RBL2: variants seen among roughly 807,000 people sequenced by gnomAD.
RBL2 encodes the protein retinoblastoma-like protein 2.
RBL2 carries 56 observed loss-of-function variants against 126.0 expected under a neutral mutation model. That is an observed-to-expected ratio of 0.44 (90% CI 0.36 to 0.56). The LOEUF (loss-of-function observed/expected upper bound fraction) is 0.56. Among genes scored for constraint, RBL2 ranks in the 20% least tolerant of loss-of-function variants. The pLI, the probability that RBL2 is intolerant of heterozygous loss-of-function variation, is 0.00. For missense variants in RBL2, 1,229 were observed against 1,398.2 expected, an observed-to-expected ratio of 0.88 and a Z score of 1.93; for synonymous variants, 454 against 478.5, an observed-to-expected ratio of 0.95 and a Z score of 0.67.
intron 5 of RBL2, 77 bp from the exon 6 acceptor site, chr16:53,453,375 A>G (rs1431249011): frequency 2.3e-6 from 3 of 1,330,298 alleles, no homozygotes; most frequent in Non-Finnish European, 2.1e-6. Context: ...ATTATACTCT[A>G]TGTTTTACAT....
At chr16:53,448,347 C>T (rs375018128) in intron 4 of RBL2, among the ~76,000 whole-genome samples, 8 of 151,620 alleles carry the variant, frequency 5.3e-5, no homozygotes, top group African/African-American at 1.7e-4. Context: ...TTAGTAGAGA[C>T]GGAGTTTCAC....
chr16:53,450,663 G>A (rs937611802), intron 4 of RBL2, among the ~76,000 whole-genome samples: 30 of 152,188 alleles, frequency 2.0e-4, no homozygotes, highest in African/African-American at 7.2e-4. Context: ...GTCAGTTTAG[G>A]TTTTTGATTT....
intron 17 of RBL2, 180 bp from the exon 18 acceptor site, chr16:53,478,974 A>G: frequency 1.7e-6 from 1 of 588,728 alleles, no homozygotes; most frequent in Non-Finnish European, 3.0e-6. Flanking sequence ...TTGAATTTTA[A>G]TAGATATTCT....
rs2058309008 is a variant in RBL2, at chr16:53,470,200, G to A, written c.2245+15G>A. The stretch of plus-strand genomic sequence containing the variant: ...TCCTGTGCAAGGTAAGGAAGGCAGA[G>A]TTGGATATTGAGTTCCTTCTCTGTG... On this transcript the variant is annotated intron_variant, in intron 15 of 21. Coordinates refer to ENST00000262133, the MANE Select transcript of RBL2 (RefSeq NM_005611.4). 1.3e-6 allele frequency: 2 copies of A among 1,591,734 alleles called. No homozygotes were observed. Among genetic ancestry groups the A allele is most frequent in the South Asian group, 1.1e-5 (1 of 88,710 alleles).
At chr16:53,469,778 C>G in intron 14 of RBL2, 138 bp from the exon 15 acceptor site, 1 of 1,060,558 alleles carries the variant, frequency 9.4e-7, no homozygotes, top group East Asian at 2.5e-5. Context: ...TAAGATATGA[C>G]TTCTGTAATT....
At chr16:53,435,661 G>C in intron 1 of RBL2, 1 of 1,288,778 alleles carries the variant, frequency 7.8e-7, no homozygotes, top group African/African-American at 1.5e-5. Flanking sequence ...TTAAACCTGA[G>C]GCCATTTGAT....
intron 21 of RBL2, among the ~76,000 whole-genome samples, chr16:53,484,370 A>G (rs1961076566): frequency 6.6e-6 from 1 of 152,232 alleles, no homozygotes; most frequent in Non-Finnish European, 1.5e-5. Flanking sequence ...TTAAATGTAA[A>G]TGGTCTAAAT....
At chr16:53,442,048 C>T (rs1421682473) in intron 2 of RBL2, among the ~76,000 whole-genome samples, 3 of 152,116 alleles carry the variant, frequency 2.0e-5, no homozygotes, top group East Asian at 3.9e-4. Context: ...TTTCAAACTC[C>T]TGACCTTGTG....
At chr16:53,472,155 A>G (rs1215877297) in intron 17 of RBL2, among the ~76,000 whole-genome samples, 1 of 151,898 alleles carries the variant, frequency 6.6e-6, no homozygotes, top group East Asian at 1.9e-4. Context: ...TTTTTTCTCC[A>G]CTCATACACT....
At position 53,434,683 on chromosome 16, in the gene RBL2, C is replaced by T. The variant is rs2057937764; in HGVS notation, c.127C>T (p.Pro43Ser). The T allele has an allele frequency of 3.2e-6, 5 of 1,573,868 alleles. No individual in the cohort carries two copies. The highest frequency in any genetic ancestry group is 4.3e-6 in the Non-Finnish European group (5 of 1,169,776). ...CGCGCCGCCTGCCGAGTCGCCCACC[C>T]CTCAGATCCAGCAGCGGTTCGACGA... ...DAAPPAESPTPQIQQRFDELC... is the reference protein window; with the variant it reads ...DAAPPAESPTSQIQQRFDELC... The change falls in exon 1 of 22, where the codon CCT (proline) becomes TCT (serine). Residue 43 changes from proline to serine, a missense_variant. Pro to Ser is a moderately conservative substitution (Grantham distance 74, BLOSUM62 -1). This residue lies in a region of RBL2 where 159 missense variants were observed against 123.9 expected (regional missense o/e 1.28). Coordinates refer to ENST00000262133, the MANE Select transcript of RBL2 (RefSeq NM_005611.4).
intron 17 of RBL2, among the ~76,000 whole-genome samples, chr16:53,478,218 C>T (rs1321091158): frequency 4.6e-5 from 7 of 152,016 alleles, no homozygotes; most frequent in Non-Finnish European, 8.8e-5. Flanking sequence ...TTGGGGTTTC[C>T]CTGTAACTGA....
chr16:53,459,315 A>T, intron 8 of RBL2, 136 bp from the exon 9 acceptor site: 1 of 689,870 alleles, frequency 1.4e-6, no homozygotes, highest in African/African-American at 1.8e-5. Context: ...TGAGTCACTA[A>T]AATTTATTGA....
chr16:53,462,091 G>T (rs1041825436), intron 10 of RBL2, among the ~76,000 whole-genome samples: 1 of 151,752 alleles, frequency 6.6e-6, no homozygotes, highest in African/African-American at 2.4e-5. Flanking sequence ...AAATCTTTAG[G>T]TTTTTTTTGT....
chr16:53,451,743 T>C lies in RBL2; in HGVS notation c.678T>C (p.Tyr226=), dbSNP rs778006189. The change falls in exon 5 of 22, where the codon TAT becomes TAC. Residue 226 remains tyrosine (Y), a synonymous_variant. Transcript: ENST00000262133. ...TTAGTGATGATTTGGTCAATTCTTA[T>C]CACCTGCTGCTGTGTGCTTTGGACT... The part of the protein sequence containing the change: ...PMISDDLVNS[Y]HLLLCALDLV... 8 of 1,613,472 alleles carry C rather than the reference T, an allele frequency of 5.0e-6. No homozygotes were observed. In the East Asian group the frequency reaches 1.1e-4, roughly 22 times the overall value.
intron 17 of RBL2, among the ~76,000 whole-genome samples, chr16:53,474,867 A>AG (rs1555569280): frequency 2.0e-5 from 3 of 151,282 alleles, no homozygotes; most frequent in South Asian, 4.2e-4. Flanking sequence ...TAGGTATTAT[A>AG]TTTTTTCCTT....
chr16:53,467,259 T>C, intron 14 of RBL2, 90 bp downstream of exon 14: 1 of 1,021,768 alleles, frequency 9.8e-7, no homozygotes, highest in South Asian at 1.5e-5. Context: ...TAATAGGGTA[T>C]ACATAGAAGA....
At chr16:53,435,881 T>A (rs1240687510) in intron 1 of RBL2, 1 of 889,322 alleles carries the variant, frequency 1.1e-6, no homozygotes, top group South Asian at 1.6e-5. Flanking sequence ...AGATAGTGTA[T>A]GGTGGCTTTA....
At chr16:53,435,558 G>T (rs1297274807) in intron 1 of RBL2, 2 of 1,209,696 alleles carry the variant, frequency 1.7e-6, no homozygotes, top group Non-Finnish European at 2.1e-6. Flanking sequence ...GCCAGTGAGT[G>T]TCAGCTTTGT....
Position 53,465,081 on chromosome 16 carries a change from A to G in RBL2, c.1699-357A>G, listed in dbSNP as rs575242846. Among the ~76,000 whole-genome samples the G allele has an allele frequency of 2.6e-5, 4 of 152,272 alleles. No individual in the cohort carries two copies. The South Asian group carries it at 6.2e-4, about 24-fold the overall frequency. On this transcript the variant is annotated intron_variant, in intron 12 of 21. Coordinates refer to ENST00000262133, the MANE Select transcript of RBL2 (RefSeq NM_005611.4). The stretch of plus-strand genomic sequence containing the variant: ...GTGCTGGGATTACAGGCTGGTAGCT[A>G]TTTCTTGATACTGACTTAGCATATG...
Sources: allele counts gnomAD v4.1 joint callset (sites outside exome capture counted in the v4.1 genomes callset), GRCh38; gene constraint gnomAD v4.1.1; regional missense constraint gnomAD v4.1.1; transcripts MANE v1.5; gene names NCBI Gene and HGNC (gene_info 2026-07-23, HGNC 2026-07-21).